ARMC3: variants seen among roughly 807,000 people sequenced by gnomAD.
ARMC3 encodes armadillo repeat containing 3.
In ARMC3, 74 loss-of-function variants were observed where a neutral mutation model predicts 90.3. That is an observed-to-expected ratio of 0.82 (90% confidence interval 0.68 to 0.99). The LOEUF is 0.99. Among genes scored for constraint, ARMC3 ranks in the 50% least tolerant of loss-of-function variants. ARMC3 has a pLI of 0.00. For missense variants in ARMC3, 958 were observed against 1,042.8 expected (o/e 0.92, Z 1.12); for synonymous variants, 334 against 361.8 (o/e 0.92, Z 0.87).
chr10:22,987,883 G>A (rs969860358), intron 10 of ARMC3, among the ~76,000 whole-genome samples: 4 of 152,118 alleles, frequency 2.6e-5, no homozygotes, highest in Non-Finnish European at 4.4e-5. Flanking sequence ...AAAATTAATT[G>A]ATTGATTACT....
intron 11 of ARMC3, 89 bp downstream of exon 11, chr10:22,998,486 T>TAC (rs1407303871): frequency 1.8e-5 from 27 of 1,488,316 alleles, no homozygotes; most frequent in Non-Finnish European, 2.4e-5. Context: ...TGATTGAACC[T>TAC]ACCTGTCATT....
intron 10 of ARMC3, among the ~76,000 whole-genome samples, chr10:22,988,248 CT>C (rs1346498528): frequency 6.6e-6 from 1 of 152,152 alleles, no homozygotes. Flanking sequence ...GTAGAGAAAA[CT>C]TTAGAACGTA....
chr10:22,975,546 C>CA (rs1246805108), intron 8 of ARMC3, among the ~76,000 whole-genome samples: 1 of 152,076 alleles, frequency 6.6e-6, no homozygotes, highest in Admixed American at 6.6e-5. Flanking sequence ...GCCTGGGCAA[C>CA]AACAGAGAAA....
intron 16 of ARMC3, among the ~76,000 whole-genome samples, chr10:23,028,800 G>T (rs1838814348): frequency 6.6e-6 from 1 of 152,220 alleles, no homozygotes; most frequent in African/African-American, 2.4e-5. Context: ...TGTATGTGCT[G>T]TTGAGGGTCA....
At position 22,946,249 on chromosome 10, in the gene ARMC3, T is replaced by A. The variant is rs1391273821; in HGVS notation, c.154T>A (p.Phe52Ile). Residue 52 changes from phenylalanine to isoleucine, a missense_variant, in exon 3 of 19, where the codon TTT becomes ATT. Phe to Ile is a conservative substitution (Grantham distance 21). Transcript: ENST00000298032. ...TAAAGCATGTGAAGCCATTTATAAA[T>A]TTGCTTTAAAAGGTTTGGATTTTTT... ...LAKACEAIYK[F>I]ALKGEENKTT... The A allele has an allele frequency of 1.9e-6, 3 of 1,603,432 alleles. No individual in the cohort carries two copies. The African/African-American group carries it at 4.0e-5, about 21-fold the overall frequency.
intron 10 of ARMC3, among the ~76,000 whole-genome samples, chr10:22,982,853 GC>G (rs1836255204): frequency 6.6e-6 from 1 of 152,090 alleles, no homozygotes; most frequent in South Asian, 2.1e-4. Flanking sequence ...ATAGTTCTTA[GC>G]CTTTCTTTCC....
intron 18 of ARMC3, 137 bp from the exon 19 acceptor site, chr10:23,037,133 T>A (rs757362865): frequency 4.0e-6 from 3 of 745,386 alleles, no homozygotes; most frequent in Non-Finnish European, 6.2e-6. Context: ...ATAGTCCACA[T>A]CTTTCAGCCT....
chr10:22,943,028 G>A (rs1834378072), intron 2 of ARMC3, among the ~76,000 whole-genome samples: 1 of 152,142 alleles, frequency 6.6e-6, no homozygotes, highest in Non-Finnish European at 1.5e-5. Context: ...TTAAAAGTCA[G>A]AATAATGGTT....
At position 22,968,288 on chromosome 10, in the gene ARMC3, A is replaced by G. The variant is rs747532133; in HGVS notation, c.733-18A>G. The G allele has an allele frequency of 5.6e-6, 9 of 1,607,512 alleles. No homozygotes were observed. The highest frequency in any genetic ancestry group is 3.3e-4 in the Middle Eastern group (2 of 6,060). On this transcript the variant is annotated intron_variant, in intron 7 of 18. Transcript: ENST00000298032. Reference sequence around the variant, plus strand: ...TTTTAGTACAACTTTCTAAAGTTGTATTTGCTTTTATTATTAGGAATTGAA... The same window carrying G: ...TTTTAGTACAACTTTCTAAAGTTGTGTTTGCTTTTATTATTAGGAATTGAA...
At position 23,002,032 on chromosome 10, in the gene ARMC3, G is replaced by C. The variant is rs537005560; in HGVS notation, c.1539G>C (p.Thr513=). The part of the protein sequence containing the change: ...AVMVCAGDEL[T]ANELCRLGAL... ...TGGTCTGTGCTGGTGACGAGCTGAC[G>C]GCCAATGAATTATGCAGGCTCGGGT... Residue 513 remains threonine, a synonymous_variant, in exon 12 of 19, where the codon ACG becomes ACC. Coordinates refer to ENST00000298032, the MANE Select transcript of ARMC3 (RefSeq NM_173081.5). 2 of 1,613,754 alleles carry C rather than the reference G, an allele frequency of 1.2e-6. No homozygotes were observed. The highest frequency in any genetic ancestry group is 3.3e-5 in the Admixed American group (2 of 60,000).
At chr10:22,977,926 T>C (rs1024431523) in intron 8 of ARMC3, among the ~76,000 whole-genome samples, 1 of 152,244 alleles carries the variant, frequency 6.6e-6, no homozygotes, top group African/African-American at 2.4e-5. Context: ...CTAAGGACTC[T>C]GATCTGCCTT....
chr10:22,989,130 T>C (rs532705532), intron 10 of ARMC3, among the ~76,000 whole-genome samples: 2 of 152,354 alleles, frequency 1.3e-5, no homozygotes, highest in South Asian at 2.1e-4. Context: ...TTCTGTAGTT[T>C]AATGAAACGT....
chr10:23,028,607 A>T (rs539031436), intron 16 of ARMC3, among the ~76,000 whole-genome samples: 1 of 152,174 alleles, frequency 6.6e-6, no homozygotes, highest in African/African-American at 2.4e-5. Flanking sequence ...TTTAGCAGAC[A>T]ATTGACTAAG....
intron 16 of ARMC3, among the ~76,000 whole-genome samples, chr10:23,016,606 T>C (rs1838283274): frequency 6.6e-6 from 1 of 152,220 alleles, no homozygotes; most frequent in African/African-American, 2.4e-5. Flanking sequence ...TATTTCCATA[T>C]GCATGAAATG....
intron 8 of ARMC3, among the ~76,000 whole-genome samples, chr10:22,979,763 C>G (rs565722291): frequency 1.1e-4 from 17 of 152,142 alleles, no homozygotes; most frequent in African/African-American, 3.9e-4. Flanking sequence ...TAAGTATTAA[C>G]TGAAGCTTTT....
intron 8 of ARMC3, among the ~76,000 whole-genome samples, chr10:22,971,442 T>G (rs996689194): frequency 8.0e-6 from 1 of 124,726 alleles, no homozygotes; most frequent in East Asian, 2.1e-4. Context: ...ATATTTTTAG[T>G]TTTTTTTTTT....
chr10:22,955,983 T>A (rs1834922772), intron 4 of ARMC3, 51 bp downstream of exon 4: 1 of 1,460,422 alleles, frequency 6.8e-7, no homozygotes, highest in African/African-American at 1.4e-5. Flanking sequence ...TAATGCATTA[T>A]CATTCTTTTA....
At chr10:22,999,923 G>A (rs1338695030) in intron 11 of ARMC3, among the ~76,000 whole-genome samples, 1 of 152,104 alleles carries the variant, frequency 6.6e-6, no homozygotes, top group Admixed American at 6.5e-5. Context: ...TGCTCTGCTG[G>A]GTATCAGGAG....
intron 10 of ARMC3, among the ~76,000 whole-genome samples, chr10:22,989,299 T>C (rs1393182216): frequency 1.3e-5 from 2 of 152,182 alleles, no homozygotes; most frequent in East Asian, 3.8e-4. Context: ...TTTGACTTTG[T>C]CCCCTATTAA....
Sources: gnomAD v4.1 joint callset for allele counts (sites outside exome capture counted in the v4.1 genomes callset) on GRCh38, gnomAD v4.1.1 for gene constraint, MANE v1.5 for transcripts, NCBI Gene and HGNC (gene_info 2026-07-23, HGNC 2026-07-21) for gene names.